The following ZNF677 variants were observed in gnomAD, a reference collection of about 807,000 sequenced individuals.
ZNF677 encodes the protein zinc finger protein 677.
Under a neutral mutation model 8.1 loss-of-function variants are expected in ZNF677, and 5 were observed. The ratio of observed to expected loss-of-function variants is 0.62; its 90% CI spans 0.32 to 1.29. ZNF677 has a LOEUF of 1.29. ZNF677 is among the 50% of genes most tolerant of loss of function. The pLI, the probability that ZNF677 is intolerant of heterozygous loss-of-function variation, is 0.05. For synonymous variants in ZNF677, 221 were observed against 225.6 expected, an observed-to-expected ratio of 0.98 and a Z score of 0.18; for missense variants, 685 against 685.9, an observed-to-expected ratio of 1.00 and a Z score of 0.01.
chr19:53,249,258 T>G (rs2091195572), intron 3 of ZNF677: 1 of 152,214 alleles, frequency 6.6e-6, no homozygotes. Context: ...TATTTTTTAG[T>G]AAGTGTAATG....
chr19:53,247,223 T>G (rs908981016), intron 3 of ZNF677, among the ~76,000 whole-genome samples: 2 of 152,046 alleles, frequency 1.3e-5, no homozygotes, highest in African/African-American at 4.8e-5. Context: ...TAGACAAGAG[T>G]GCAGATTCCG....
Position 53,235,788 on chromosome 19 carries a change from T to TCACA in ZNF677, c.*1180_*1183dup, listed in dbSNP as rs1209956168. 2 of 152,208 alleles carry TCACA rather than the reference T, an allele frequency of 1.3e-5. No homozygotes were observed. Among genetic ancestry groups the TCACA allele is most frequent in the African/African-American group, 4.8e-5 (2 of 41,434 alleles). 9.4% of individuals were successfully genotyped at this position (152,208 alleles called of 1,614,324 possible). ...TCCTATAATCGACAAAGGTCCCCAGTCACATCAACAATTCTAAGGGGTCCT... is the reference window on the plus strand; with the variant it reads ...TCCTATAATCGACAAAGGTCCCCAGTCACACACATCAACAATTCTAAGGGGTCCT... On this transcript the variant is annotated 3_prime_UTR_variant, in exon 5 of 5. Coordinates refer to ENST00000598513, the MANE Select transcript of ZNF677 (RefSeq NM_182609.4).
In ZNF677 at chr19:53,242,151, C is replaced by T. The variant is rs567343369; in HGVS notation, c.169+1593G>A. ...TTTTCCATGTTAGTCAGGCTGGTCTCGAACTCCCGACCTCAGGTGATCTGC... is the reference window on the plus strand; with the variant it reads ...TTTTCCATGTTAGTCAGGCTGGTCTTGAACTCCCGACCTCAGGTGATCTGC... On this transcript the variant is annotated intron_variant, in intron 4 of 4. Coordinates refer to ENST00000598513, the MANE Select transcript of ZNF677 (RefSeq NM_182609.4). The T allele has an allele frequency of 1.2e-4, 49 of 395,736 alleles. No homozygotes were observed. In the East Asian group the frequency reaches 1.5e-3, roughly 12 times the overall value. The allele number at this position is 395,736 out of a possible 1,614,324, so 24.5% of individuals were successfully genotyped here.
Position 53,237,878 on chromosome 19 carries a change from T to A in ZNF677, c.849A>T (p.Arg283Ser). ...TGTAAGGTCTCTGTCCAGAGTGAATTCTCTGATGATTAGTGAGGTTCGAAC... is the reference window on the plus strand; with the variant it reads ...TGTAAGGTCTCTGTCCAGAGTGAATACTCTGATGATTAGTGAGGTTCGAAC... ...SKSSNLTNHQ[R>S]IHSGQRPYKC... The change falls in exon 5 of 5, where the codon AGA becomes AGT. Residue 283 changes from arginine to serine, a missense_variant. Coordinates refer to ENST00000598513, the MANE Select transcript of ZNF677 (RefSeq NM_182609.4). 1.9e-6 allele frequency: 3 copies of A among 1,613,628 alleles called. No individual in the cohort carries two copies. The highest frequency in any genetic ancestry group is 2.5e-6 in the Non-Finnish European group (3 of 1,180,008).
At chr19:53,248,490 AG>A (rs1238072692) in intron 3 of ZNF677, among the ~76,000 whole-genome samples, 3 of 152,226 alleles carry the variant, frequency 2.0e-5, no homozygotes, top group African/African-American at 7.2e-5. Context: ...CATTTCATGC[AG>A]GGTAAGTCCA....
chr19:53,250,948 T>C (rs982105707), intron 3 of ZNF677, among the ~76,000 whole-genome samples: 17 of 152,238 alleles, frequency 1.1e-4, no homozygotes, highest in African/African-American at 4.1e-4. Flanking sequence ...AAGACAACTA[T>C]GTTGATTTAA....
chr19:53,247,260 G>A (rs866418383), intron 3 of ZNF677, among the ~76,000 whole-genome samples: 1 of 152,008 alleles, frequency 6.6e-6, no homozygotes, highest in African/African-American at 2.4e-5. Flanking sequence ...TTTTCTTTCC[G>A]TGCTTGTTTG....
chr19:53,236,601 A>C lies in ZNF677; in HGVS notation c.*371T>G, dbSNP rs149054011. ...GATGAATTTCCATTGAGAAATTTAA[A>C]ATAATTTACCACCTTCACTTGTAAT... On this transcript the variant is annotated 3_prime_UTR_variant, in exon 5 of 5. Coordinates refer to ENST00000598513, the MANE Select transcript of ZNF677 (RefSeq NM_182609.4). 155 of 157,668 alleles carry C rather than the reference A, an allele frequency of 9.8e-4. 1 individual carries two copies. The highest frequency in any genetic ancestry group is 3.5e-3 in the African/African-American group (147 of 41,772). 9.8% of individuals were successfully genotyped at this position (157,668 alleles called of 1,614,324 possible).
chr19:53,236,968 G>A lies in ZNF677; in HGVS notation c.*4C>T. 2 of 1,530,442 alleles carry A rather than the reference G, an allele frequency of 1.3e-6. No homozygotes were observed. Among genetic ancestry groups the A allele is most frequent in the South Asian group, 1.4e-5 (1 of 73,628 alleles). The allele number at this position is 1,530,442 out of a possible 1,614,324, so 94.8% of individuals were successfully genotyped here. Reference sequence around the variant, plus strand: ...GGTTTCTTTTCACAATGGAGCCCCTGATGCTAGGTACAGCTTGAATACTTA... The same window carrying A: ...GGTTTCTTTTCACAATGGAGCCCCTAATGCTAGGTACAGCTTGAATACTTA... On this transcript the variant is annotated 3_prime_UTR_variant, in exon 5 of 5. Coordinates refer to ENST00000598513, the MANE Select transcript of ZNF677 (RefSeq NM_182609.4).
In ZNF677 at chr19:53,237,551, T is replaced by A; in HGVS notation, c.1176A>T (p.Gln392His). The A allele has an allele frequency of 6.2e-7, 1 of 1,612,652 alleles. No homozygotes were observed. Among genetic ancestry groups the A allele is most frequent in the East Asian group, 2.2e-5 (1 of 44,738 alleles). ...KAFAERSSLT[Q>H]HKRIHTGEKP... ...TCTCTCCAGTATGGATTCTCTTATG[T>A]TGGGTAAGGCTTGAACGTTCAGCAA... The change falls in exon 5 of 5, where the codon CAA (glutamine) becomes CAT (histidine). Residue 392 changes from glutamine (Q) to histidine (H), a missense_variant. Coordinates refer to ENST00000598513, the MANE Select transcript of ZNF677 (RefSeq NM_182609.4).
At chr19:53,251,514 G>C in intron 3 of ZNF677, 22 bp downstream of exon 3, 1 of 1,608,316 alleles carries the variant, frequency 6.2e-7, no homozygotes. Context: ...ACAAAACAGT[G>C]AACCAAGAAT....
chr19:53,238,590 A>G, intron 4 of ZNF677, 33 bp from the exon 5 acceptor site: 1 of 1,506,248 alleles, frequency 6.6e-7, no homozygotes, highest in Non-Finnish European at 8.8e-7. Context: ...CAGGCTTTCC[A>G]TCAAATAGAG....
intron 4 of ZNF677, chr19:53,242,045 C>T (rs962283075): frequency 2.8e-5 from 11 of 395,120 alleles, no homozygotes; most frequent in African/African-American, 2.1e-4. Context: ...AACTCTCCTG[C>T]CTCAGCCTCC....
At chr19:53,247,929 A>G (rs182214605) in intron 3 of ZNF677, among the ~76,000 whole-genome samples, 156 of 152,342 alleles carry the variant, frequency 1.0e-3, no homozygotes, top group African/African-American at 3.6e-3. Flanking sequence ...TATTCCTCCA[A>G]TAAGTGCCTT....
chr19:53,236,802 A>G lies in ZNF677; in HGVS notation c.*170T>C. ...AAGGCTTCTCTACAGTAAGAATTCT[A>G]TGATGTTCCACAAGGCTTGAACTTT... On this transcript the variant is annotated 3_prime_UTR_variant, in exon 5 of 5. Transcript: ENST00000598513. The G allele has an allele frequency of 1.9e-6, 1 of 538,080 alleles. No homozygotes were observed. Among genetic ancestry groups the G allele is most frequent in the Non-Finnish European group, 3.1e-6 (1 of 320,184 alleles). 33.3% of individuals were successfully genotyped at this position (538,080 alleles called of 1,614,324 possible). A position where few individuals can be genotyped will look rare whatever the true frequency, so the allele number is the denominator to read the frequency against.
intron 3 of ZNF677, among the ~76,000 whole-genome samples, chr19:53,245,453 A>C (rs1375718819): frequency 6.6e-6 from 1 of 152,232 alleles, no homozygotes; most frequent in East Asian, 1.9e-4. Context: ...TTACCCAATA[A>C]AAAATGGGCA....
At chr19:53,242,545 A>C in intron 4 of ZNF677, 1 of 396,532 alleles carries the variant, frequency 2.5e-6, no homozygotes, top group Non-Finnish European at 4.4e-6. Flanking sequence ...AAGCCTGCCC[A>C]TTCCCCTTTA....
chr19:53,240,980 T>C (rs2091041203), intron 4 of ZNF677: 1 of 151,922 alleles, frequency 6.6e-6, no homozygotes, highest in Admixed American at 6.6e-5. Context: ...GAACATAAAA[T>C]TGCTAAAAAA....
In ZNF677 at chr19:53,237,578, G is replaced by T. The variant is rs2090985624; in HGVS notation, c.1149C>A (p.Ala383=). Reference sequence around the variant, plus strand: ...GGGTAAGGCTTGAACGTTCAGCAAAGGCTTTGTCACATTCATTACATTTGT... The same window carrying T: ...GGGTAAGGCTTGAACGTTCAGCAAATGCTTTGTCACATTCATTACATTTGT... The part of the protein sequence containing the change: ...KPYKCNECDK[A]FAERSSLTQH... Residue 383 remains alanine (A), a synonymous_variant, in exon 5 of 5, where the codon GCC becomes GCA. Transcript: ENST00000598513. 6.2e-7 allele frequency: 1 copy of T among 1,612,800 alleles called. No homozygotes were observed. The highest frequency in any genetic ancestry group is 8.5e-7 in the Non-Finnish European group (1 of 1,179,732).
Sources: gnomAD v4.1 joint callset for allele counts (sites outside exome capture counted in the v4.1 genomes callset) on GRCh38, gnomAD v4.1.1 for gene constraint, MANE v1.5 for transcripts, NCBI Gene and HGNC (gene_info 2026-07-23, HGNC 2026-07-21) for gene names.